ZNF84: variants seen among roughly 807,000 people sequenced by gnomAD.
The protein encoded by ZNF84 is zinc finger protein 84.
ZNF84 carries 12 observed loss-of-function variants against 14.8 expected under a neutral mutation model. The ratio of observed to expected loss-of-function variants is 0.81; its 90% CI spans 0.52 to 1.31. The LOEUF (loss-of-function observed/expected upper bound fraction) is 1.31. Ranked by LOEUF, ZNF84 falls within the 50% of genes most tolerant of loss-of-function variation. ZNF84 has a pLI of 0.00. For missense variants in ZNF84, 859 were observed against 878.6 expected (o/e 0.98, Z 0.28); for synonymous variants, 347 against 291.1 (o/e 1.19, Z -1.96).
chr12:133,058,771 A>G lies in ZNF84; in HGVS notation c.2056A>G (p.Ser686Gly). 6.2e-7 allele frequency: 1 copy of G among 1,614,126 alleles called. No homozygotes were observed. The highest frequency in any genetic ancestry group is 1.7e-5 in the Admixed American group (1 of 60,014). The change falls in exon 5 of 5, where the codon AGT becomes GGT. Residue 686 changes from serine to glycine, a missense_variant. Physicochemically the swap from Ser to Gly is moderately conservative, Grantham distance 56. Transcript: ENST00000539354. ...TACGGGTGAGAAACCCTATGGATGC[A>G]GTGAATGTAGGAAGGCCTTCTCTCA... ...THTGEKPYGC[S>G]ECRKAFSQKS... is the part of the protein sequence containing the mutation.
At position 133,057,471 on chromosome 12, in the gene ZNF84, A is replaced by G; in HGVS notation, c.756A>G (p.Thr252=). ...KTFPQKSQFI[T]HHRTHTGEKP... ...TTCCCCAGAAGTCTCAGTTTATTACACATCACAGAACTCATACAGGAGAAA... is the reference window on the plus strand; with the variant it reads ...TTCCCCAGAAGTCTCAGTTTATTACGCATCACAGAACTCATACAGGAGAAA... The change falls in exon 5 of 5, where the codon ACA becomes ACG. Residue 252 remains threonine (T), a synonymous_variant. Coordinates refer to ENST00000539354, the MANE Select transcript of ZNF84 (RefSeq NM_001289971.2). The G allele has an allele frequency of 1.2e-6, 2 of 1,614,248 alleles. No homozygotes were observed. Among genetic ancestry groups the G allele is most frequent in the Non-Finnish European group, 1.7e-6 (2 of 1,180,052 alleles).
chr12:133,057,118 T>G lies in ZNF84; in HGVS notation c.403T>G (p.Leu135Val). 1.2e-6 allele frequency: 2 copies of G among 1,612,730 alleles called. No homozygotes were observed. The highest frequency in any genetic ancestry group is 1.7e-6 in the Non-Finnish European group (2 of 1,179,688). Residue 135 changes from leucine to valine, a missense_variant, in exon 5 of 5, where the codon TTG becomes GTG. Physicochemically the swap from Leu to Val is conservative, Grantham distance 32. Transcript: ENST00000539354. ...AAACAGTGAAGGTGACTTAGATGGA[T>G]TGATTTTAAAACATCATTTAGATTT... ...KSNSEGDLDGLILKHHLDLLI... is the reference protein window; with the variant it reads ...KSNSEGDLDGVILKHHLDLLI...
In ZNF84 at chr12:133,058,091, T is replaced by G. The variant is rs1457625696; in HGVS notation, c.1376T>G (p.Phe459Cys). Residue 459 changes from phenylalanine to cysteine, a missense_variant, in exon 5 of 5, where the codon TTT becomes TGT. Transcript: ENST00000539354. ...HQMTHTGEKP[F>C]ICSKCGKAFS... is the part of the protein sequence containing the mutation. ...ATGACACACACAGGAGAAAAACCCT[T>G]TATATGCAGTAAATGTGGGAAAGCC... 10 of 1,610,848 alleles carry G rather than the reference T, an allele frequency of 6.2e-6. No individual in the cohort carries two copies. The highest frequency in any genetic ancestry group is 8.5e-6 in the Non-Finnish European group (10 of 1,179,120).
At chr12:133,045,163 A>G (rs1953957848) in intron 2 of ZNF84, among the ~76,000 whole-genome samples, 1 of 151,968 alleles carries the variant, frequency 6.6e-6, no homozygotes, top group Non-Finnish European at 1.5e-5. Context: ...CCCCAGCCTA[A>G]GACAATCATT....
At position 133,057,671 on chromosome 12, in the gene ZNF84, A is replaced by G; in HGVS notation, c.956A>G (p.Tyr319Cys). 6.2e-7 allele frequency: 1 copy of G among 1,613,830 alleles called. No individual in the cohort carries two copies. The highest frequency in any genetic ancestry group is 8.5e-7 in the Non-Finnish European group (1 of 1,179,938). The change falls in exon 5 of 5, where the codon TAT (tyrosine) becomes TGT (cysteine). Residue 319 changes from tyrosine to cysteine, a missense_variant. Coordinates refer to ENST00000539354, the MANE Select transcript of ZNF84 (RefSeq NM_001289971.2). ...HWRTHTGEKPYGCNECGRAFS... is the reference protein window; with the variant it reads ...HWRTHTGEKPCGCNECGRAFS... ...AGAACACACACAGGAGAGAAACCCT[A>G]TGGATGCAATGAATGTGGGAGGGCC...
At chr12:133,048,169 C>G (rs1372969003) in intron 3 of ZNF84, 88 bp downstream of exon 3, 2 of 1,296,314 alleles carry the variant, frequency 1.5e-6, no homozygotes, top group East Asian at 2.4e-5. Context: ...AAGCCTATAG[C>G]TAGGCTTCTG....
intron 4 of ZNF84, among the ~76,000 whole-genome samples, chr12:133,055,484 GT>G (rs1160937872): frequency 6.6e-6 from 1 of 152,002 alleles, no homozygotes; most frequent in African/African-American, 2.4e-5. Flanking sequence ...CTGTTAGCCA[GT>G]AATACCATAA....
At chr12:133,052,334 G>A (rs1954085134) in intron 4 of ZNF84, among the ~76,000 whole-genome samples, 1 of 152,078 alleles carries the variant, frequency 6.6e-6, no homozygotes, top group Non-Finnish European at 1.5e-5. Flanking sequence ...GAGATCTCTT[G>A]TGGGGTTTCT....
chr12:133,053,944 A>C (rs1954110775), intron 4 of ZNF84, among the ~76,000 whole-genome samples: 1 of 152,146 alleles, frequency 6.6e-6, no homozygotes, highest in Non-Finnish European at 1.5e-5. Flanking sequence ...TCCACCATAT[A>C]ATCCTACAAA....
At position 133,063,018 on chromosome 12, in the gene ZNF84, G is replaced by A; in HGVS notation, c.*4086G>A. ...CCACTAGAAAGCTTCTAGAAAGCTA[G>A]TACTATCTTTTTTGTCTGTGTAATT... On this transcript the variant is annotated 3_prime_UTR_variant, in exon 5 of 5. Coordinates refer to ENST00000539354, the MANE Select transcript of ZNF84 (RefSeq NM_001289971.2). 1.5e-6 allele frequency: 1 copy of A among 687,404 alleles called. No individual in the cohort carries two copies. Among genetic ancestry groups the A allele is most frequent in the Non-Finnish European group, 2.7e-6 (1 of 376,340 alleles). The allele number at this position is 687,404 out of a possible 1,614,324, so 42.6% of individuals were successfully genotyped here. A position where few individuals can be genotyped will look rare whatever the true frequency, so the allele number is the denominator to read the frequency against.
At position 133,060,865 on chromosome 12, in the gene ZNF84, TTAA is replaced by T. The variant is rs1450721281; in HGVS notation, c.*1936_*1938del. The T allele has an allele frequency of 6.6e-6, 1 of 152,222 alleles. No individual in the cohort carries two copies. The highest frequency in any genetic ancestry group is 1.5e-5 in the Non-Finnish European group (1 of 68,038). The allele number at this position is 152,222 out of a possible 1,614,324, so 9.4% of individuals were successfully genotyped here. On this transcript the variant is annotated 3_prime_UTR_variant, in exon 5 of 5. Coordinates refer to ENST00000539354, the MANE Select transcript of ZNF84 (RefSeq NM_001289971.2). ...CTCTCAATAATGTTGCTTGGCAAAG[TTAA>T]TATTTTTTGTATGCTGATGAAATTT...
intron 1 of ZNF84, among the ~76,000 whole-genome samples, chr12:133,040,091 C>T (rs1953859924): frequency 6.6e-6 from 1 of 152,026 alleles, no homozygotes; most frequent in Non-Finnish European, 1.5e-5. Flanking sequence ...ATCCATCTGC[C>T]TTGGCCTCCC....
intron 2 of ZNF84, among the ~76,000 whole-genome samples, chr12:133,042,122 C>T (rs1953898479): frequency 6.6e-6 from 1 of 152,190 alleles, no homozygotes; most frequent in African/African-American, 2.4e-5. Flanking sequence ...CTGTCAGTCA[C>T]TTAGTAGCCA....
chr12:133,052,701 A>G (rs1954092838), intron 4 of ZNF84, among the ~76,000 whole-genome samples: 1 of 152,172 alleles, frequency 6.6e-6, no homozygotes, highest in Non-Finnish European at 1.5e-5. Context: ...ACCTCATTTA[A>G]TCTTACTTCC....
chr12:133,052,340 T>C (rs1451330585), intron 4 of ZNF84, among the ~76,000 whole-genome samples: 5 of 151,890 alleles, frequency 3.3e-5, no homozygotes, highest in African/African-American at 9.7e-5. Context: ...TCTTGTGGGG[T>C]TTCTTTTTTC....
chr12:133,058,261 G>A lies in ZNF84; in HGVS notation c.1546G>A (p.Val516Ile), dbSNP rs1393606244. 6.2e-7 allele frequency: 1 copy of A among 1,613,974 alleles called. No homozygotes were observed. The highest frequency in any genetic ancestry group is 1.3e-5 in the African/African-American group (1 of 74,972). Residue 516 changes from valine to isoleucine, a missense_variant, in exon 5 of 5, where the codon GTA (valine) becomes ATA (isoleucine). Val to Ile is a conservative substitution (Grantham distance 29). Coordinates refer to ENST00000539354, the MANE Select transcript of ZNF84 (RefSeq NM_001289971.2). ...QRIHTGEKPY[V>I]CSECGKAFCQ... Reference sequence around the variant, plus strand: ...AATTCATACAGGAGAAAAACCATATGTATGCAGTGAATGTGGGAAAGCCTT... The same window carrying A: ...AATTCATACAGGAGAAAAACCATATATATGCAGTGAATGTGGGAAAGCCTT...
chr12:133,037,934 C>G (rs1953816012), intron 1 of ZNF84: 1 of 152,272 alleles, frequency 6.6e-6, no homozygotes, highest in African/African-American at 2.4e-5. Context: ...GGCTCTGCCG[C>G]TATCGAAGGA....
Position 133,062,611 on chromosome 12 carries a change from C to G in ZNF84, c.*3679C>G, listed in dbSNP as rs1954283300. The G allele has an allele frequency of 6.0e-6, 1 of 166,660 alleles. No homozygotes were observed. Among genetic ancestry groups the G allele is most frequent in the African/African-American group, 2.4e-5 (1 of 41,646 alleles). 10.3% of individuals were successfully genotyped at this position (166,660 alleles called of 1,614,324 possible). A position where few individuals can be genotyped will look rare whatever the true frequency, so the allele number is the denominator to read the frequency against. On this transcript the variant is annotated 3_prime_UTR_variant, in exon 5 of 5. Transcript: ENST00000539354. ...GCAGATGCATGCATGTTTTCTGCAC[C>G]TTGCTATCATTTTTCAGTCCATTTT...
At position 133,050,204 on chromosome 12, in the gene ZNF84, C is replaced by T. The variant is rs912624909; in HGVS notation, c.238+1356C>T. Among the ~76,000 whole-genome samples the T allele has an allele frequency of 1.8e-4, 27 of 152,212 alleles. 1 individual carries two copies. The highest frequency in any genetic ancestry group is 1.7e-3 in the Admixed American group (26 of 15,276). On this transcript the variant is annotated intron_variant, in intron 4 of 4. Coordinates refer to ENST00000539354, the MANE Select transcript of ZNF84 (RefSeq NM_001289971.2). ...GCCAGTGAAGGATGGGCTGACGCTC[C>T]GACTACTGCTGTGGGTAGTGGATGC...
Sources: allele counts gnomAD v4.1 joint callset (sites outside exome capture counted in the v4.1 genomes callset), GRCh38; gene constraint gnomAD v4.1.1; transcripts MANE v1.5; gene names NCBI Gene and HGNC (gene_info 2026-07-23, HGNC 2026-07-21).